The following KATNAL2 variants were observed in gnomAD, a reference collection of about 807,000 sequenced individuals.
The protein encoded by KATNAL2 is katanin p60 ATPase-containing subunit A-like 2.
Under a neutral mutation model 76.3 loss-of-function variants are expected in KATNAL2, and 52 were observed. That is an observed-to-expected ratio of 0.68 (90% CI 0.55 to 0.86). The LOEUF is 0.86. Among genes scored for constraint, KATNAL2 ranks in the 40% least tolerant of loss-of-function variants. The pLI, the probability that KATNAL2 is intolerant of heterozygous loss-of-function variation, is 0.00. For missense variants in KATNAL2, 660 were observed against 668.9 expected (o/e 0.99, Z 0.15); for synonymous variants, 243 against 244.2 (o/e 1.00, Z 0.05).
Position 47,059,623 on chromosome 18 carries a change from A to G in KATNAL2, c.518A>G (p.Asp173Gly), listed in dbSNP as rs1374532541. ...FGLHISRIRK[D>G]SGEENAHPRR... ...CTACATATATCAAGAATCCGTAAAG[A>G]CAGTGGAGAGGAAAATGCCCACCCA... is the stretch of plus-strand genomic sequence containing the variant. Residue 173 changes from aspartate (D) to glycine (G), a missense_variant, in exon 8 of 18, where the codon GAC becomes GGC. Asp to Gly is a moderately conservative substitution (Grantham distance 94). Transcript: ENST00000683218. 6 of 1,613,620 alleles carry G rather than the reference A, an allele frequency of 3.7e-6. No homozygotes were observed. In the Admixed American group the frequency reaches 1.0e-4, roughly 27 times the overall value.
rs550811257 is a variant in KATNAL2 at position 46,936,703 on chromosome 18, G to C, written c.-509-9354G>C. ...ACGGTGACTTATGCCTGTAATCCCA[G>C]CACTTTGGGAGGCTGAGGCAGGTGG... On this transcript the variant is annotated intron_variant, in intron 1 of 17. Transcript: ENST00000683218. Among the ~76,000 whole-genome samples, 63 of 152,320 alleles carry C rather than the reference G, an allele frequency of 4.1e-4. No individual in the cohort carries two copies. The South Asian group carries it at 0.013, about 32-fold the overall frequency.
At position 46,917,637 on chromosome 18, in the gene KATNAL2, C is replaced by T. The variant is rs1282651801; in HGVS notation, c.-799C>T. ...GCGACAGCGCCCGCCCGCGCCTGCCCCGGCGTGCTGCCCCGCGGCTTGGCC... is the reference window on the plus strand; with the variant it reads ...GCGACAGCGCCCGCCCGCGCCTGCCTCGGCGTGCTGCCCCGCGGCTTGGCC... On this transcript the variant is annotated 5_prime_UTR_variant, in exon 1 of 18. Transcript: ENST00000683218. 24 of 828,626 alleles carry T rather than the reference C, an allele frequency of 2.9e-5. No homozygotes were observed. Among genetic ancestry groups the T allele is most frequent in the Non-Finnish European group, 3.4e-5 (23 of 683,462 alleles). 51.3% of individuals were successfully genotyped at this position (828,626 alleles called of 1,614,324 possible).
At chr18:47,033,279 T>C in intron 3 of KATNAL2, 1 of 1,613,532 alleles carries the variant, frequency 6.2e-7, no homozygotes, top group Non-Finnish European at 8.5e-7. Context: ...CAGCGTCTCC[T>C]GCAGACTTCT....
rs1189166519 is a variant in KATNAL2, at chr18:47,059,597, C to A, written c.492C>A (p.Gly164=). 6.2e-7 allele frequency: 1 copy of A among 1,613,756 alleles called. No individual in the cohort carries two copies. The highest frequency in any genetic ancestry group is 2.2e-5 in the East Asian group (1 of 44,876). Reference sequence around the variant, plus strand: ...CTCGCCTGGAAAGTGCCAACTTCGGCCTACATATATCAAGAATCCGTAAAG... The same window carrying A: ...CTCGCCTGGAAAGTGCCAACTTCGGACTACATATATCAAGAATCCGTAAAG... ...DNTRLESANF[G]LHISRIRKDS... is the part of the protein sequence containing the mutation. The change falls in exon 8 of 18, where the codon GGC becomes GGA. Residue 164 remains glycine, a synonymous_variant. Transcript: ENST00000683218.
chr18:47,094,805 A>C (rs896857582), intron 15 of KATNAL2, among the ~76,000 whole-genome samples: 5 of 152,088 alleles, frequency 3.3e-5, no homozygotes, highest in Non-Finnish European at 7.4e-5. Flanking sequence ...CACTATTTTC[A>C]ACTGAGCCTG....
chr18:47,068,880 T>A (rs1258774615), intron 11 of KATNAL2, among the ~76,000 whole-genome samples: 1 of 152,230 alleles, frequency 6.6e-6, no homozygotes, highest in East Asian at 1.9e-4. Context: ...GATTGCCAAA[T>A]GCTCTCCGTA....
intron 11 of KATNAL2, among the ~76,000 whole-genome samples, chr18:47,067,529 C>T (rs1025287704): frequency 1.3e-5 from 2 of 152,178 alleles, no homozygotes; most frequent in Non-Finnish European, 2.9e-5. Flanking sequence ...CCAGGATCGT[C>T]TGGGGCTTTG....
intron 10 of KATNAL2, among the ~76,000 whole-genome samples, chr18:47,064,047 C>T (rs2061714564): frequency 6.6e-6 from 1 of 152,100 alleles, no homozygotes; most frequent in African/African-American, 2.4e-5. Flanking sequence ...AAAATGATCC[C>T]CAAAATTCAC....
chr18:46,926,295 C>T (rs1051490212), intron 1 of KATNAL2, among the ~76,000 whole-genome samples: 3 of 151,996 alleles, frequency 2.0e-5, no homozygotes, highest in Admixed American at 6.6e-5. Flanking sequence ...TGTTTTTTCT[C>T]GTTGGTTTCA....
chr18:47,048,752 A>G (rs569109506), intron 4 of KATNAL2, among the ~76,000 whole-genome samples: 3 of 151,884 alleles, frequency 2.0e-5, no homozygotes, highest in East Asian at 1.9e-4. Flanking sequence ...TAAGTGTTCA[A>G]TCTATGACAG....
chr18:46,925,227 A>G (rs922257287), intron 1 of KATNAL2, among the ~76,000 whole-genome samples: 7 of 152,112 alleles, frequency 4.6e-5, no homozygotes, highest in African/African-American at 1.4e-4. Flanking sequence ...TTTCTCATAG[A>G]TAGCTCTTAT....
chr18:46,928,811 TTTGAGACAGAGTCTCACTCTG>T (rs951613459), intron 1 of KATNAL2, among the ~76,000 whole-genome samples: 3 of 152,200 alleles, frequency 2.0e-5, no homozygotes, highest in Non-Finnish European at 4.4e-5. Flanking sequence ...TTCTCTTTTT[TTTGAGACAGAGTCTCACTCTG>T]TTGCCCAGCC....
chr18:46,961,654 G>A (rs551380887), intron 3 of KATNAL2, among the ~76,000 whole-genome samples: 5 of 152,156 alleles, frequency 3.3e-5, no homozygotes, highest in Non-Finnish European at 7.3e-5. Flanking sequence ...TGCCAACGTT[G>A]TCACATCCCT....
chr18:46,943,022 G>A (rs1047157750), intron 1 of KATNAL2, among the ~76,000 whole-genome samples: 1 of 152,012 alleles, frequency 6.6e-6, no homozygotes, highest in Non-Finnish European at 1.5e-5. Context: ...CGCCAACAGG[G>A]TTTGGAGTAG....
At chr18:47,053,873 T>C (rs539784580) in intron 5 of KATNAL2, among the ~76,000 whole-genome samples, 6 of 152,314 alleles carry the variant, frequency 3.9e-5, no homozygotes, top group African/African-American at 1.4e-4. Context: ...CAGCCCAGAC[T>C]CCTAAACACA....
chr18:47,100,986 G>C lies in KATNAL2; in HGVS notation c.1598G>C (p.Arg533Thr), dbSNP rs368676029. The change falls in exon 18 of 18, where the codon AGA becomes ACA. Residue 533 changes from arginine to threonine, a missense_variant. By Grantham distance (71) the Arg-to-Thr change is moderately conservative. Transcript: ENST00000683218. The part of the protein sequence containing the change: ...NLAQRYSDWQ[R>T]EFESV ...GCTCAGAGATACTCAGACTGGCAAA[G>C]AGAGTTCGAGTCTGTCTGAAACCAC... The C allele has an allele frequency of 5.0e-6, 8 of 1,613,874 alleles. No homozygotes were observed. The African/African-American group carries it at 1.1e-4, about 22-fold the overall frequency.
intron 1 of KATNAL2, among the ~76,000 whole-genome samples, chr18:46,931,010 G>A (rs989672410): frequency 2.6e-5 from 4 of 151,910 alleles, no homozygotes; most frequent in African/African-American, 7.2e-5. Flanking sequence ...GGCTGAAGAA[G>A]AATTGCTTGA....
At chr18:46,957,666 G>T (rs984566707) in intron 3 of KATNAL2, among the ~76,000 whole-genome samples, 1 of 144,112 alleles carries the variant, frequency 6.9e-6, no homozygotes, top group East Asian at 2.1e-4. Flanking sequence ...AGGTTCAAGC[G>T]ATTCTCTTGC....
intron 1 of KATNAL2, among the ~76,000 whole-genome samples, chr18:46,936,789 T>TA (rs2059105945): frequency 6.6e-6 from 1 of 152,026 alleles, no homozygotes; most frequent in African/African-American, 2.4e-5. Context: ...CCATCTCTAC[T>TA]AAAAATATTT....
Sources: gnomAD v4.1 joint callset for allele counts (sites outside exome capture counted in the v4.1 genomes callset) on GRCh38, gnomAD v4.1.1 for gene constraint, MANE v1.5 for transcripts, NCBI Gene and HGNC (gene_info 2026-07-23, HGNC 2026-07-21) for gene names.